The following CUX2 variants were observed in gnomAD, a reference collection of about 807,000 sequenced individuals.
CUX2 encodes homeobox protein cut-like 2.
CUX2 carries 40 observed loss-of-function variants against 144.8 expected under a neutral mutation model. The observed-to-expected ratio is 0.28, with a 90% CI of 0.21 to 0.36. The LOEUF is 0.36. CUX2 is among the 10% of genes least tolerant of loss of function. The pLI is 1.00. For synonymous variants in CUX2, 827 were observed against 875.6 expected, an observed-to-expected ratio of 0.94 and a Z score of 0.98; for missense variants, 1,615 against 1,994.0, an observed-to-expected ratio of 0.81 and a Z score of 3.62.
intron 1 of CUX2, among the ~76,000 whole-genome samples, chr12:111,088,025 C>G (rs1327160919): frequency 6.6e-6 from 1 of 152,064 alleles, no homozygotes; most frequent in Non-Finnish European, 1.5e-5. Flanking sequence ...AGGAATCGTG[C>G]TGAGGGAAAA....
chr12:111,194,980 A>C (rs58899348), intron 1 of CUX2, among the ~76,000 whole-genome samples: 17,909 of 151,786 alleles, frequency 0.12, 2,835 homozygotes, highest in African/African-American at 0.36. Flanking sequence ...CCTCTCCCCA[A>C]CCCTACAGGA....
At chr12:111,189,145 G>A (rs1347980417) in intron 1 of CUX2, among the ~76,000 whole-genome samples, 3 of 152,082 alleles carry the variant, frequency 2.0e-5, no homozygotes, top group East Asian at 1.9e-4. Flanking sequence ...GGTGGTGTGC[G>A]CCTGTGGTCC....
chr12:111,240,229 TGA>T (rs1882957437), intron 3 of CUX2, among the ~76,000 whole-genome samples: 1 of 152,340 alleles, frequency 6.6e-6, no homozygotes, highest in Admixed American at 6.5e-5. Context: ...CTCTCTGGCA[TGA>T]GAGGCCAGAC....
Position 111,068,912 on chromosome 12 carries a change from C to T in CUX2, c.63+34672C>T, listed in dbSNP as rs1465578539. On this transcript the variant is annotated intron_variant, in intron 1 of 21. Transcript: ENST00000261726. The surrounding 1 kb of genome is among the most constrained non-coding windows in gnomAD (Gnocchi z 4.9). Reference sequence around the variant, plus strand: ...TTTGAGGTCAGGAGTTCGAGACCAGCCTGGCCAACATGGTGAAACCCCATC... The same window carrying T: ...TTTGAGGTCAGGAGTTCGAGACCAGTCTGGCCAACATGGTGAAACCCCATC... 6.6e-6 allele frequency among the ~76,000 whole-genome samples: 1 copy of T among 152,084 alleles called. No homozygotes were observed.
intron 1 of CUX2, among the ~76,000 whole-genome samples, chr12:111,191,875 C>T (rs892170937): frequency 3.9e-5 from 6 of 152,210 alleles, no homozygotes; most frequent in African/African-American, 1.4e-4. Context: ...TACTGGTGCT[C>T]TGAGCTTGCC....
Position 111,320,536 on chromosome 12 carries a change from G to C in CUX2, c.2527G>C (p.Glu843Gln). The C allele has an allele frequency of 6.4e-7, 1 of 1,554,298 alleles. No homozygotes were observed. Among genetic ancestry groups the C allele is most frequent in the Non-Finnish European group, 8.6e-7 (1 of 1,157,684 alleles). Residue 843 changes from glutamate (E) to glutamine (Q), a missense_variant, in exon 17 of 22, where the codon GAG becomes CAG. Glu to Gln is a conservative substitution (Grantham distance 29). This residue lies in a region of CUX2 where 390 missense variants were observed against 387.1 expected (regional missense o/e 1.01). Transcript: ENST00000261726. The surrounding 1 kb of genome is among the most constrained non-coding windows in gnomAD (Gnocchi z 8.1). ...CGAGGACGAGGCGGCGGCAGGGGCG[G>C]AGGACGAACCCCCCAGGACGGGCGA... is the stretch of plus-strand genomic sequence containing the variant. ...PPEDEAAAGA[E>Q]DEPPRTGELK...
At chr12:111,188,732 A>G (rs1307997933) in intron 1 of CUX2, among the ~76,000 whole-genome samples, 1 of 152,082 alleles carries the variant, frequency 6.6e-6, no homozygotes, top group African/African-American at 2.4e-5. Flanking sequence ...CTCAGGAGCA[A>G]TGGGAAGTCA....
intron 1 of CUX2, among the ~76,000 whole-genome samples, chr12:111,139,793 C>T (rs1876174671): frequency 6.6e-6 from 1 of 152,190 alleles, no homozygotes; most frequent in East Asian, 1.9e-4. Context: ...AATTTTCTCC[C>T]AAGAACTGCC....
At position 111,148,274 on chromosome 12, in the gene CUX2, C is replaced by T. The variant is rs1226199228; in HGVS notation, c.64-65926C>T. Reference sequence around the variant, plus strand: ...ATCATACTAAGTGAAAGAAACCAGACCCAAAGGGACAAATACTGTATGATT... The same window carrying T: ...ATCATACTAAGTGAAAGAAACCAGATCCAAAGGGACAAATACTGTATGATT... On this transcript the variant is annotated intron_variant, in intron 1 of 21. Transcript: ENST00000261726. 2.6e-5 allele frequency among the ~76,000 whole-genome samples: 4 copies of T among 152,050 alleles called. No homozygotes were observed. In the East Asian group the frequency reaches 7.7e-4, roughly 29 times the overall value.
intron 18 of CUX2, among the ~76,000 whole-genome samples, chr12:111,328,941 ATCTCTCTC>A (rs1227047616): frequency 6.9e-5 from 2 of 28,986 alleles, no homozygotes; most frequent in African/African-American, 2.7e-4. Context: ...TGATTCACCT[ATCTCTCTC>A]TCTCTCTCTC....
At chr12:111,344,284 C>T (rs1888701684) in intron 21 of CUX2, among the ~76,000 whole-genome samples, 2 of 152,158 alleles carry the variant, frequency 1.3e-5, no homozygotes, top group Admixed American at 1.3e-4. Context: ...AATCCCCGCC[C>T]TTAAGGATCT....
chr12:111,236,268 C>T (rs1882738763), intron 3 of CUX2, among the ~76,000 whole-genome samples: 1 of 152,154 alleles, frequency 6.6e-6, no homozygotes, highest in South Asian at 2.1e-4. Flanking sequence ...AAACACGCTG[C>T]AGACCAAGAA....
intron 1 of CUX2, among the ~76,000 whole-genome samples, chr12:111,187,781 T>A (rs1879640153): frequency 6.6e-6 from 1 of 152,208 alleles, no homozygotes; most frequent in South Asian, 2.1e-4. Context: ...ACTGGCCTGC[T>A]TCTTCACTGC....
At chr12:111,112,991 G>A (rs1874068307) in intron 1 of CUX2, among the ~76,000 whole-genome samples, 1 of 152,192 alleles carries the variant, frequency 6.6e-6, no homozygotes, top group Non-Finnish European at 1.5e-5. Flanking sequence ...CATATTTGGA[G>A]GATTTGAGGC....
chr12:111,083,506 TC>T (rs2136045325), intron 1 of CUX2, among the ~76,000 whole-genome samples: 1 of 152,124 alleles, frequency 6.6e-6, no homozygotes, highest in African/African-American at 2.4e-5. Flanking sequence ...TGGGGTGCCA[TC>T]CAGGGCTTAA....
chr12:111,332,871 C>T (rs990958076), intron 18 of CUX2, among the ~76,000 whole-genome samples: 6 of 152,140 alleles, frequency 3.9e-5, no homozygotes, highest in African/African-American at 1.2e-4. Context: ...CTTCAGTTGT[C>T]CCAATAATAT....
intron 16 of CUX2, among the ~76,000 whole-genome samples, chr12:111,316,228 G>A (rs905502435): frequency 4.2e-5 from 6 of 142,396 alleles, no homozygotes; most frequent in East Asian, 2.2e-4. Flanking sequence ...CACAACCTCC[G>A]CCTCCTGGGT....
At position 111,289,320 on chromosome 12, in the gene CUX2, T is replaced by C. The variant is rs1359916364; in HGVS notation, c.302-2098T>C. Among the ~76,000 whole-genome samples the C allele has an allele frequency of 1.3e-5, 2 of 152,142 alleles. No homozygotes were observed. The highest frequency in any genetic ancestry group is 2.9e-5 in the Non-Finnish European group (2 of 68,026). On this transcript the variant is annotated intron_variant, in intron 4 of 21. Transcript: ENST00000261726. The surrounding 1 kb of genome is among the most constrained non-coding windows in gnomAD (Gnocchi z 4.1). ...GCACTAGGACAGGAGGCCTTTGTGATATCAAAGCAAGAGACCCAGATTCGA... is the reference window on the plus strand; with the variant it reads ...GCACTAGGACAGGAGGCCTTTGTGACATCAAAGCAAGAGACCCAGATTCGA...
intron 1 of CUX2, among the ~76,000 whole-genome samples, chr12:111,213,502 A>G (rs1046727426): frequency 6.6e-6 from 1 of 152,154 alleles, no homozygotes; most frequent in African/African-American, 2.4e-5. Context: ...TTCCTTGCAT[A>G]TAAGCCAGCA....
Sources: allele counts gnomAD v4.1 joint callset (sites outside exome capture counted in the v4.1 genomes callset), GRCh38; gene constraint gnomAD v4.1.1; regional missense constraint gnomAD v4.1.1; non-coding constraint Gnocchi (gnomAD v3.1); transcripts MANE v1.5; gene names NCBI Gene and HGNC (gene_info 2026-07-23, HGNC 2026-07-21).